CNTNAP5: variants seen among roughly 807,000 people sequenced by gnomAD.
CNTNAP5 encodes the protein contactin-associated protein-like 5.
In CNTNAP5, 72 loss-of-function variants were observed where a neutral mutation model predicts 150.2. That is an observed-to-expected ratio of 0.48 (90% CI 0.40 to 0.58). CNTNAP5 has a LOEUF of 0.58. Ranked by LOEUF, CNTNAP5 falls within the 20% of genes least tolerant of loss-of-function variation. The pLI, the probability that CNTNAP5 is intolerant of heterozygous loss-of-function variation, is 0.00. For missense variants in CNTNAP5, 1,636 were observed against 1,626.2 expected (o/e 1.01, Z -0.10); for synonymous variants, 672 against 619.8 (o/e 1.08, Z -1.25).
chr2:124,786,398 A>AGAAAGAAAGAAAGAAAGAAAGAAG (rs1553442119), intron 17 of CNTNAP5, among the ~76,000 whole-genome samples: 1 of 45,158 alleles, frequency 2.2e-5, no homozygotes, highest in Non-Finnish European at 4.1e-5. Context: ...AAAGAAAGAA[A>AGAAAGAAAGAAAGAAAGAAAGAAG]GAAGGAAGGA....
At chr2:124,312,165 A>G (rs972748681) in intron 3 of CNTNAP5, among the ~76,000 whole-genome samples, 2 of 152,192 alleles carry the variant, frequency 1.3e-5, no homozygotes, top group African/African-American at 4.8e-5. Flanking sequence ...TAGTGGAAGA[A>G]CTGATAGCTT....
intron 11 of CNTNAP5, among the ~76,000 whole-genome samples, chr2:124,591,823 C>A (rs1696690263): frequency 6.6e-6 from 1 of 152,154 alleles, no homozygotes; most frequent in Non-Finnish European, 1.5e-5. Flanking sequence ...CAAAATAAGT[C>A]TTCATCAAAC....
At chr2:124,792,538 A>G (rs1308339784) in intron 18 of CNTNAP5, among the ~76,000 whole-genome samples, 4 of 152,124 alleles carry the variant, frequency 2.6e-5, no homozygotes, top group African/African-American at 9.7e-5. Flanking sequence ...GATGTAATTT[A>G]TATACCATAA....
chr2:124,337,761 G>A (rs1296174156), intron 3 of CNTNAP5, among the ~76,000 whole-genome samples: 3 of 152,060 alleles, frequency 2.0e-5, no homozygotes, highest in East Asian at 3.9e-4. Context: ...GTACCATGCT[G>A]TTTTGGTTAC....
chr2:124,521,472 G>T (rs900565453), intron 8 of CNTNAP5, among the ~76,000 whole-genome samples: 1 of 152,128 alleles, frequency 6.6e-6, no homozygotes, highest in Admixed American at 6.5e-5. Flanking sequence ...TGTGGGGAGA[G>T]GACAGGACCC....
At chr2:124,368,755 C>T (rs1447672188) in intron 3 of CNTNAP5, among the ~76,000 whole-genome samples, 2 of 151,896 alleles carry the variant, frequency 1.3e-5, no homozygotes, top group East Asian at 1.9e-4. Context: ...GGGTGGGAGG[C>T]CTGGTTTGCA....
chr2:124,113,827 G>A (rs925539554), intron 1 of CNTNAP5, among the ~76,000 whole-genome samples: 4 of 151,688 alleles, frequency 2.6e-5, no homozygotes. Context: ...GTGGAGTAAG[G>A]TCACACTTTA....
chr2:124,080,647 T>C (rs1387217924), intron 1 of CNTNAP5, among the ~76,000 whole-genome samples: 4 of 152,206 alleles, frequency 2.6e-5, no homozygotes, highest in Non-Finnish European at 4.4e-5. Context: ...AAATCCATTC[T>C]ATAAAAAATG....
chr2:124,892,907 G>A (rs1678228305), intron 21 of CNTNAP5, among the ~76,000 whole-genome samples: 1 of 152,102 alleles, frequency 6.6e-6, no homozygotes, highest in African/African-American at 2.4e-5. Context: ...GAAGAGCACA[G>A]TAAGCGATCA....
Position 124,427,055 on chromosome 2 carries a change from G to T in CNTNAP5, c.530-7429G>T, listed in dbSNP as rs577574699. ...GAATTGAATTAAGTTTGTAATAATG[G>T]GTTCTTAAAAATCGATTTTGAAAAA... On this transcript the variant is annotated intron_variant, in intron 4 of 23. Coordinates refer to ENST00000682447, the MANE Select transcript of CNTNAP5 (RefSeq NM_001367498.1). Among the ~76,000 whole-genome samples, 105 of 152,202 alleles carry T rather than the reference G, an allele frequency of 6.9e-4. No individual in the cohort carries two copies. In the Middle Eastern group the frequency reaches 0.01, roughly 15 times the overall value.
intron 17 of CNTNAP5, among the ~76,000 whole-genome samples, chr2:124,776,925 T>C (rs935179921): frequency 2.6e-4 from 40 of 152,252 alleles, no homozygotes; most frequent in African/African-American, 9.6e-4. Flanking sequence ...TTTTCAAAGT[T>C]AAATAATATA....
chr2:124,289,780 C>T (rs1056153764), intron 3 of CNTNAP5, among the ~76,000 whole-genome samples: 1 of 152,122 alleles, frequency 6.6e-6, no homozygotes, highest in African/African-American at 2.4e-5. Context: ...AGGTATCCTT[C>T]CTGTGCCATG....
At chr2:124,156,084 A>G (rs923783619) in intron 1 of CNTNAP5, among the ~76,000 whole-genome samples, 4 of 152,234 alleles carry the variant, frequency 2.6e-5, no homozygotes, top group Non-Finnish European at 4.4e-5. Context: ...TTAATGTATC[A>G]TGTTGCAGAA....
chr2:124,882,960 T>C (rs2104739725), intron 21 of CNTNAP5, among the ~76,000 whole-genome samples: 1 of 152,064 alleles, frequency 6.6e-6, no homozygotes, highest in African/African-American at 2.4e-5. Flanking sequence ...ACTACCTCCA[T>C]GATTCAATTC....
chr2:124,396,427 G>T (rs142500407), intron 3 of CNTNAP5, among the ~76,000 whole-genome samples: 116 of 152,316 alleles, frequency 7.6e-4, no homozygotes, highest in African/African-American at 2.8e-3. Context: ...AAGCACTGTT[G>T]CAAACTATTG....
At chr2:124,856,928 G>T (rs1677387543) in intron 19 of CNTNAP5, among the ~76,000 whole-genome samples, 1 of 152,150 alleles carries the variant, frequency 6.6e-6, no homozygotes, top group African/African-American at 2.4e-5. Context: ...AGAGCATGAG[G>T]TCCTGGGGGT....
At chr2:124,793,706 G>C (rs1681785331) in intron 18 of CNTNAP5, among the ~76,000 whole-genome samples, 1 of 152,064 alleles carries the variant, frequency 6.6e-6, no homozygotes. Flanking sequence ...TTGTGAGGTA[G>C]GGGGTCCAGC....
intron 13 of CNTNAP5, among the ~76,000 whole-genome samples, chr2:124,684,494 G>C (rs913063650): frequency 4.6e-5 from 7 of 152,108 alleles, no homozygotes; most frequent in African/African-American, 1.7e-4. Context: ...TCTCCCTGGA[G>C]AGCTGACTTT....
chr2:124,505,486 T>C (rs1388499191), intron 8 of CNTNAP5, among the ~76,000 whole-genome samples: 1 of 152,292 alleles, frequency 6.6e-6, no homozygotes, highest in Non-Finnish European at 1.5e-5. Flanking sequence ...ATTTTAAATG[T>C]ATTGAGTAAA....
Sources: gnomAD v4.1 joint callset for allele counts (sites outside exome capture counted in the v4.1 genomes callset) on GRCh38, gnomAD v4.1.1 for gene constraint, MANE v1.5 for transcripts, NCBI Gene and HGNC (gene_info 2026-07-23, HGNC 2026-07-21) for gene names.